ZNF428: variants seen among roughly 807,000 people sequenced by gnomAD.
The protein encoded by ZNF428 is zinc finger protein 428.
A neutral mutation model predicts 15.6 loss-of-function variants in ZNF428; 5 were observed. That is an observed-to-expected ratio of 0.32 (90% CI 0.17 to 0.67). The LOEUF (loss-of-function observed/expected upper bound fraction) is 0.67. Among genes scored for constraint, ZNF428 ranks in the 30% least tolerant of loss-of-function variants. The pLI is 0.73. For missense variants in ZNF428, 237 were observed against 256.0 expected (o/e 0.93, Z 0.51); for synonymous variants, 97 against 102.2 (o/e 0.95, Z 0.31).
In ZNF428 at chr19:43,607,372, TACACAC is replaced by T. The variant is rs3052821; in HGVS notation, c.*239_*244del. The T allele has an allele frequency of 0.014, 5,886 of 419,628 alleles. 135 individuals carry two copies. The highest frequency in any genetic ancestry group is 0.076 in the African/African-American group (3,609 of 47,454). The allele number at this position is 419,628 out of a possible 1,614,324, so 26.0% of individuals were successfully genotyped here. ...TCCCCAAGAAGGAGCCCAGGGGGAA[TACACAC>T]ACACACACACACACACAAACACACA... On this transcript the variant is annotated 3_prime_UTR_variant, in exon 3 of 3. Transcript: ENST00000300811. This position sits in a 1 kb window ranked among gnomAD's most constrained non-coding sequence, Gnocchi z 5.1.
At chr19:43,608,677 C>T (rs1973265098) in intron 2 of ZNF428, 1 of 152,160 alleles carries the variant, frequency 6.6e-6, no homozygotes, top group African/African-American at 2.4e-5. Flanking sequence ...CTCCTGTAAT[C>T]CTAGCACTTT....
At position 43,614,162 on chromosome 19, in the gene ZNF428, A is replaced by G. The variant is rs769222293; in HGVS notation, c.76+67T>C. On this transcript the variant is annotated intron_variant, in intron 2 of 2. Coordinates refer to ENST00000300811, the MANE Select transcript of ZNF428 (RefSeq NM_182498.4). ...CAGCCACTCCCCATCAACATTTCCC[A>G]GTGGGGGCCAAACCCTAAGCCAGGA... The G allele has an allele frequency of 3.9e-5, 63 of 1,613,974 alleles. No homozygotes were observed. Among genetic ancestry groups the G allele is most frequent in the Non-Finnish European group, 5.2e-5 (61 of 1,179,976 alleles).
In ZNF428 at chr19:43,607,394, C is replaced by T. The variant is rs967758651; in HGVS notation, c.*223G>A. 3 of 546,478 alleles carry T rather than the reference C, an allele frequency of 5.5e-6. No individual in the cohort carries two copies. The highest frequency in any genetic ancestry group is 9.2e-6 in the Non-Finnish European group (3 of 324,958). 33.9% of individuals were successfully genotyped at this position (546,478 alleles called of 1,614,324 possible). On this transcript the variant is annotated 3_prime_UTR_variant, in exon 3 of 3. Coordinates refer to ENST00000300811, the MANE Select transcript of ZNF428 (RefSeq NM_182498.4). The surrounding 1 kb of genome is among the most constrained non-coding windows in gnomAD (Gnocchi z 5.1). ...GAATACACACACACACACACACACA[C>T]AAACACACACACGGGCGGGAATACA...
chr19:43,615,739 A>C (rs1973365911), intron 1 of ZNF428, among the ~76,000 whole-genome samples: 1 of 151,944 alleles, frequency 6.6e-6, no homozygotes, highest in African/African-American at 2.4e-5. Flanking sequence ...AACTCAAGGA[A>C]ATGCTTACTT....
intron 2 of ZNF428, among the ~76,000 whole-genome samples, chr19:43,610,725 T>C (rs1029007577): frequency 3.3e-5 from 5 of 152,190 alleles, no homozygotes; most frequent in Non-Finnish European, 7.3e-5. Flanking sequence ...TTCCTCCCTC[T>C]GGTGGGAATG....
At chr19:43,613,952 T>G in intron 2 of ZNF428, 2 of 1,550,910 alleles carry the variant, frequency 1.3e-6, no homozygotes, top group Non-Finnish European at 1.7e-6. Context: ...ACCTAGAGCC[T>G]CCAGCAAGGA....
rs141301338 is a variant in ZNF428, at chr19:43,608,103, G to A, written c.81C>T (p.Pro27=). Reference sequence around the variant, plus strand: ...TGTATTCTGAATCAGAGGAATGCTCGGGGCCTGGAGGGGGACAGACAGGGG... The same window carrying A: ...TGTATTCTGAATCAGAGGAATGCTCAGGGCCTGGAGGGGGACAGACAGGGG... The part of the protein sequence containing the change: ...EEDDEDLSPG[P]EHSSDSEYTL... The change falls in exon 3 of 3, where the codon CCC becomes CCT. Residue 27 remains proline (P), a synonymous_variant. Transcript: ENST00000300811. The A allele has an allele frequency of 5.8e-5, 94 of 1,610,424 alleles. No homozygotes were observed. Among genetic ancestry groups the A allele is most frequent in the African/African-American group, 5.7e-4 (43 of 75,026 alleles).
intron 1 of ZNF428, among the ~76,000 whole-genome samples, chr19:43,617,930 C>T (rs1973388149): frequency 1.3e-5 from 2 of 151,756 alleles, no homozygotes; most frequent in South Asian, 2.1e-4. Context: ...AGCGCGATCT[C>T]GGCTCACTGC....
rs1973314149 is a variant in ZNF428, at chr19:43,612,694, G to A, written c.76+1535C>T. 1 of 1,551,556 alleles carries A rather than the reference G, an allele frequency of 6.4e-7. No individual in the cohort carries two copies. Among genetic ancestry groups the A allele is most frequent in the Non-Finnish European group, 8.7e-7 (1 of 1,146,994 alleles). On this transcript the variant is annotated intron_variant, in intron 2 of 2. Coordinates refer to ENST00000300811, the MANE Select transcript of ZNF428 (RefSeq NM_182498.4). This position sits in a 1 kb window ranked among gnomAD's most constrained non-coding sequence, Gnocchi z 4.2. ...GGAGTGACAGCCAGCCTAGAAATCT[G>A]AGCAAGAAGAGTTACCGCCCACCAG... is the stretch of plus-strand genomic sequence containing the variant.
intron 1 of ZNF428, among the ~76,000 whole-genome samples, chr19:43,614,975 G>T (rs1347421035): frequency 6.6e-6 from 1 of 152,082 alleles, no homozygotes; most frequent in Non-Finnish European, 1.5e-5. Flanking sequence ...AGGGAGAGGT[G>T]ACACTCCAAA....
In ZNF428 at chr19:43,607,524, C is replaced by T. The variant is rs1973251001; in HGVS notation, c.*93G>A. Reference sequence around the variant, plus strand: ...TAAGACAACACAGACCGGCAGTACCCCATCCCCCATGACCACTGTCACAAC... The same window carrying T: ...TAAGACAACACAGACCGGCAGTACCTCATCCCCCATGACCACTGTCACAAC... On this transcript the variant is annotated 3_prime_UTR_variant, in exon 3 of 3. Coordinates refer to ENST00000300811, the MANE Select transcript of ZNF428 (RefSeq NM_182498.4). The surrounding 1 kb of genome is among the most constrained non-coding windows in gnomAD (Gnocchi z 5.1). 2.1e-6 allele frequency: 3 copies of T among 1,435,536 alleles called. No homozygotes were observed. The highest frequency in any genetic ancestry group is 2.8e-6 in the Non-Finnish European group (3 of 1,076,844). 88.9% of individuals were successfully genotyped at this position (1,435,536 alleles called of 1,614,324 possible).
chr19:43,613,197 C>T (rs1973323370), intron 2 of ZNF428: 2 of 1,551,602 alleles, frequency 1.3e-6, no homozygotes, highest in Non-Finnish European at 1.7e-6. Context: ...TCTAGAAACC[C>T]CAGCAAGGAA....
chr19:43,611,789 GC>G (rs1005563926), intron 2 of ZNF428, among the ~76,000 whole-genome samples: 3 of 152,180 alleles, frequency 2.0e-5, no homozygotes, highest in African/African-American at 7.2e-5. Context: ...CTGGGCAGTG[GC>G]CCCCCTCCCC....
intron 2 of ZNF428, chr19:43,613,925 C>T: frequency 6.4e-7 from 1 of 1,551,562 alleles, no homozygotes; most frequent in Non-Finnish European, 8.7e-7. Context: ...CCCCAATAAG[C>T]AGAGTGGTTA....
Position 43,607,416 on chromosome 19 carries a change from TAC to T in ZNF428, c.*199_*200del, listed in dbSNP as rs35296355. On this transcript the variant is annotated 3_prime_UTR_variant, in exon 3 of 3. Transcript: ENST00000300811. This position sits in a 1 kb window ranked among gnomAD's most constrained non-coding sequence, Gnocchi z 5.1. ...ACACAAACACACACACGGGCGGGAATACACACACACACACACACACTCTGAAC... is the reference window on the plus strand; with the variant it reads ...ACACAAACACACACACGGGCGGGAATACACACACACACACACACTCTGAAC... The T allele has an allele frequency of 0.52, 262,881 of 508,442 alleles. 45,665 individuals carry two copies. The highest frequency in any genetic ancestry group is 0.58 in the Middle Eastern group (1,996 of 3,436). 31.5% of individuals were successfully genotyped at this position (508,442 alleles called of 1,614,324 possible).
intron 1 of ZNF428, among the ~76,000 whole-genome samples, chr19:43,619,132 A>G (rs1221171982): frequency 6.6e-6 from 1 of 152,138 alleles, no homozygotes; most frequent in South Asian, 2.1e-4. Flanking sequence ...AAAACCTTCC[A>G]CTACGGGACA....
rs755894958 is a variant in ZNF428, at chr19:43,613,076, C to A, written c.76+1153G>T. 1.5e-5 allele frequency: 23 copies of A among 1,551,322 alleles called. 1 individual carries two copies. The highest frequency in any genetic ancestry group is 2.0e-5 in the Non-Finnish European group (23 of 1,146,952). On this transcript the variant is annotated intron_variant, in intron 2 of 2. Transcript: ENST00000300811. ...CCATAGCAGGGCAAGAAGTCGCACC[C>A]GGAAGGGAATTCTGAGCCAGATGGG...
chr19:43,614,125 T>C (rs757710660), intron 2 of ZNF428, 104 bp downstream of exon 2: 3 of 1,605,840 alleles, frequency 1.9e-6, no homozygotes, highest in South Asian at 2.2e-5. Context: ...ATAGAACCCC[T>C]AGCAAGACAA....
intron 2 of ZNF428, chr19:43,614,026 T>TAG (rs1568535797): frequency 4.5e-6 from 7 of 1,551,560 alleles, no homozygotes; most frequent in African/African-American, 1.4e-5. Context: ...CTAGAACCTC[T>TAG]AGCAAGGAGA....
Sources: gnomAD v4.1 joint callset for allele counts (sites outside exome capture counted in the v4.1 genomes callset) on GRCh38, gnomAD v4.1.1 for gene constraint, Gnocchi (gnomAD v3.1) non-coding constraint, MANE v1.5 for transcripts, NCBI Gene and HGNC (gene_info 2026-07-23, HGNC 2026-07-21) for gene names.